The following RAP1A variants were observed in gnomAD, a reference collection of about 807,000 sequenced individuals.
RAP1A encodes the protein ras-related protein Rap-1A.
A neutral mutation model predicts 26.4 loss-of-function variants in RAP1A; 6 were observed. The ratio of observed to expected loss-of-function variants is 0.23; its 90% CI spans 0.12 to 0.45. The LOEUF is 0.45. Ranked by LOEUF, RAP1A falls within the 20% of genes least tolerant of loss-of-function variation. The pLI, the probability that RAP1A is intolerant of heterozygous loss-of-function variation, is 0.99. For missense variants in RAP1A, 121 were observed against 217.2 expected, an observed-to-expected ratio of 0.56 and a Z score of 2.78; for synonymous variants, 73 against 79.4, an observed-to-expected ratio of 0.92 and a Z score of 0.43.
chr1:111,544,410 A>G (rs553869109), intron 1 of RAP1A, among the ~76,000 whole-genome samples: 1 of 152,220 alleles, frequency 6.6e-6, no homozygotes, highest in South Asian at 2.1e-4. Flanking sequence ...ATCTGTCTCT[A>G]TGGATTTGAC....
Position 111,588,509 on chromosome 1 carries a change from C to T in RAP1A, c.-28+46000C>T, listed in dbSNP as rs112984543. Among the ~76,000 whole-genome samples, 1,108 of 152,284 alleles carry T rather than the reference C, an allele frequency of 7.3e-3. 10 individuals are homozygous for T. Among genetic ancestry groups the T allele is most frequent in the African/African-American group, 0.011 (443 of 41,554 alleles). On this transcript the variant is annotated intron_variant, in intron 1 of 7. Coordinates refer to the RAP1A transcript ENST00000356415. ...GGAACACACAAGATCCCCCATGATACGCCCCTGCCCACATCTTTAGCCTCT... is the reference window on the plus strand; with the variant it reads ...GGAACACACAAGATCCCCCATGATATGCCCCTGCCCACATCTTTAGCCTCT...
chr1:111,575,218 G>A (rs951701323), intron 1 of RAP1A, among the ~76,000 whole-genome samples: 5 of 151,762 alleles, frequency 3.3e-5, no homozygotes, highest in African/African-American at 9.7e-5. Context: ...GCATGATCAC[G>A]GCTCACTGCA....
chr1:111,715,149 C>T lies in RAP1A; in HGVS notation c.*2748C>T, dbSNP rs1662499532. 1 of 151,804 alleles carries T rather than the reference C, an allele frequency of 6.6e-6. No homozygotes were observed. The highest frequency in any genetic ancestry group is 1.5e-5 in the Non-Finnish European group (1 of 68,042). 9.4% of individuals were successfully genotyped at this position (151,804 alleles called of 1,614,324 possible). ...AGGCTAGAGTGCAATGGCTCAGTCT[C>T]CGCTCACTGCAACCTCTGCCTCCCG... is the stretch of plus-strand genomic sequence containing the variant. On this transcript the variant is annotated 3_prime_UTR_variant, in exon 8 of 8. Coordinates refer to ENST00000369709, the MANE Select transcript of RAP1A (RefSeq NM_002884.4).
chr1:111,571,495 G>A (rs1205270146), intron 1 of RAP1A, among the ~76,000 whole-genome samples: 1 of 152,164 alleles, frequency 6.6e-6, no homozygotes, highest in Non-Finnish European at 1.5e-5. Flanking sequence ...ATCCAGATGT[G>A]GTTAAAGGGG....
chr1:111,658,204 T>C (rs886332035), intron 1 of RAP1A, among the ~76,000 whole-genome samples: 5 of 152,326 alleles, frequency 3.3e-5, no homozygotes, highest in Middle Eastern at 3.4e-3. Flanking sequence ...TAGATACTTT[T>C]GTAAGTGATT....
chr1:111,592,740 T>G (rs1349698898), intron 1 of RAP1A, among the ~76,000 whole-genome samples: 1 of 152,194 alleles, frequency 6.6e-6, no homozygotes, highest in Non-Finnish European at 1.5e-5. Context: ...GGAATGGCCT[T>G]GTTCTCTGAG....
rs1010936533 is a variant in RAP1A at position 111,712,733 on chromosome 1, A to G, written c.*332A>G. The stretch of plus-strand genomic sequence containing the variant: ...ATGTTAGATATTGCTACTATAATCA[A>G]ATGATTTCATATTGATCTTTTTATC... On this transcript the variant is annotated 3_prime_UTR_variant, in exon 8 of 8. Coordinates refer to ENST00000369709, the MANE Select transcript of RAP1A (RefSeq NM_002884.4). 2 of 152,566 alleles carry G rather than the reference A, an allele frequency of 1.3e-5. No homozygotes were observed. The highest frequency in any genetic ancestry group is 6.5e-5 in the Admixed American group (1 of 15,278). 9.5% of individuals were successfully genotyped at this position (152,566 alleles called of 1,614,324 possible). A position where few individuals can be genotyped will look rare whatever the true frequency, so the allele number is the denominator to read the frequency against.
intron 1 of RAP1A, among the ~76,000 whole-genome samples, chr1:111,671,268 A>G (rs1557886048): frequency 6.6e-6 from 1 of 152,162 alleles, no homozygotes; most frequent in Non-Finnish European, 1.5e-5. Flanking sequence ...CAACTAAAAC[A>G]TACTGTTGTG....
At chr1:111,647,919 C>T (rs1395111570) in intron 1 of RAP1A, among the ~76,000 whole-genome samples, 1 of 152,008 alleles carries the variant, frequency 6.6e-6, no homozygotes, top group Non-Finnish European at 1.5e-5. Flanking sequence ...TTCCTTTGAA[C>T]CCTGAACTTC....
At chr1:111,652,804 G>C (rs1009919798) in intron 1 of RAP1A, among the ~76,000 whole-genome samples, 1 of 152,108 alleles carries the variant, frequency 6.6e-6, no homozygotes, top group Admixed American at 6.5e-5. Context: ...GTGGAAAACA[G>C]TTTGGCAGTT....
rs1283283992 is a variant in RAP1A at position 111,716,404 on chromosome 1, T to G, written c.*4003T>G. ...TGGGTTTGTTGAATGTGCAGTCCATTTATTGCCCTGTCTTGCTTAAATATT... is the reference window on the plus strand; with the variant it reads ...TGGGTTTGTTGAATGTGCAGTCCATGTATTGCCCTGTCTTGCTTAAATATT... On this transcript the variant is annotated 3_prime_UTR_variant, in exon 8 of 8. Coordinates refer to ENST00000369709, the MANE Select transcript of RAP1A (RefSeq NM_002884.4). The G allele has an allele frequency of 6.6e-6, 1 of 152,252 alleles. No individual in the cohort carries two copies. The highest frequency in any genetic ancestry group is 1.5e-5 in the Non-Finnish European group (1 of 68,050). 9.4% of individuals were successfully genotyped at this position (152,252 alleles called of 1,614,324 possible). A position where few individuals can be genotyped will look rare whatever the true frequency, so the allele number is the denominator to read the frequency against.
intron 3 of RAP1A, among the ~76,000 whole-genome samples, chr1:111,696,800 A>C (rs1199883459): frequency 1.3e-5 from 2 of 152,186 alleles, no homozygotes; most frequent in South Asian, 4.1e-4. Context: ...TATAAGACCA[A>C]TGGGTAAATA....
intron 6 of RAP1A, chr1:111,706,733 A>G (rs1283674570): frequency 1.0e-6 from 1 of 985,500 alleles, no homozygotes; most frequent in South Asian, 4.7e-5. Context: ...ACCAAATATT[A>G]TAGTTCGAAC....
At chr1:111,668,987 G>A (rs1257648193) in intron 1 of RAP1A, among the ~76,000 whole-genome samples, 1 of 146,930 alleles carries the variant, frequency 6.8e-6, no homozygotes, top group Non-Finnish European at 1.5e-5. Flanking sequence ...CTGTGCCACT[G>A]CGTTCCAGCC....
chr1:111,672,312 TTGTC>T, intron 1 of RAP1A, among the ~76,000 whole-genome samples: 1 of 152,356 alleles, frequency 6.6e-6, no homozygotes, highest in East Asian at 1.9e-4. Context: ...TATACATGGA[TTGTC>T]TGACATCTTT....
chr1:111,685,294 G>C (rs1473558814), intron 1 of RAP1A, among the ~76,000 whole-genome samples: 2 of 152,124 alleles, frequency 1.3e-5, no homozygotes, highest in South Asian at 2.1e-4. Flanking sequence ...TTAAACCAAA[G>C]AGCTTCTGCA....
At chr1:111,620,916 G>C (rs1262120241) in intron 1 of RAP1A, among the ~76,000 whole-genome samples, 1 of 152,190 alleles carries the variant, frequency 6.6e-6, no homozygotes, top group Admixed American at 6.5e-5. Flanking sequence ...TCCTCTTAGG[G>C]CTGAGAACCA....
chr1:111,551,829 C>T, intron 1 of RAP1A, among the ~76,000 whole-genome samples: 1 of 151,456 alleles, frequency 6.6e-6, no homozygotes, highest in Non-Finnish European at 1.5e-5. Flanking sequence ...GCCTTCAGCA[C>T]TCAGCCGAGC....
At chr1:111,676,183 C>G (rs1047449045) in intron 1 of RAP1A, among the ~76,000 whole-genome samples, 9 of 152,066 alleles carry the variant, frequency 5.9e-5, no homozygotes, top group Non-Finnish European at 1.0e-4. Flanking sequence ...TGGTGAAACC[C>G]TGTTTCTACT....
Sources: allele counts gnomAD v4.1 joint callset (sites outside exome capture counted in the v4.1 genomes callset), GRCh38; gene constraint gnomAD v4.1.1; transcripts MANE v1.5; gene names NCBI Gene and HGNC (gene_info 2026-07-23, HGNC 2026-07-21).